The following KCNQ5 variants were observed in gnomAD, a reference collection of about 807,000 sequenced individuals.
KCNQ5 encodes potassium voltage-gated channel subfamily Q member 5.
Under a neutral mutation model 98.2 loss-of-function variants are expected in KCNQ5, and 30 were observed. The ratio of observed to expected loss-of-function variants is 0.31; its 90% CI spans 0.23 to 0.41. The LOEUF (loss-of-function observed/expected upper bound fraction) is 0.41, where lower values mean the gene tolerates loss of function less well. Among genes scored for constraint, KCNQ5 ranks in the 10% least tolerant of loss-of-function variants. The pLI, the probability that KCNQ5 is intolerant of heterozygous loss-of-function variation, is 1.00. For missense variants in KCNQ5, 835 were observed against 1,182.5 expected (o/e 0.71, Z 4.31); for synonymous variants, 458 against 449.4 (o/e 1.02, Z -0.24).
intron 1 of KCNQ5, among the ~76,000 whole-genome samples, chr6:72,871,100 G>A (rs894322284): frequency 1.3e-5 from 2 of 152,108 alleles, no homozygotes; most frequent in Admixed American, 6.6e-5. Context: ...CATCCTCTAT[G>A]CCCCAGTCCT....
intron 1 of KCNQ5, among the ~76,000 whole-genome samples, chr6:72,819,587 T>C (rs1388460188): frequency 6.6e-6 from 1 of 152,164 alleles, no homozygotes; most frequent in Non-Finnish European, 1.5e-5. Context: ...CAGGAATATC[T>C]AATGTGAATG....
At chr6:72,951,227 C>G (rs922729876) in intron 1 of KCNQ5, among the ~76,000 whole-genome samples, 2 of 152,008 alleles carry the variant, frequency 1.3e-5, no homozygotes, top group Non-Finnish European at 2.9e-5. Context: ...ATTAATTTAA[C>G]CTCTTAGCCT....
intron 1 of KCNQ5, among the ~76,000 whole-genome samples, chr6:72,720,325 A>G (rs1178396853): frequency 6.6e-6 from 1 of 152,242 alleles, no homozygotes; most frequent in Non-Finnish European, 1.5e-5. Context: ...ACAGATGACA[A>G]AACTCCCAGG....
chr6:72,622,717 C>A lies in KCNQ5; in HGVS notation c.398+130C>A. The A allele has an allele frequency of 1.1e-6, 1 of 944,154 alleles. No individual in the cohort carries two copies. Among genetic ancestry groups the A allele is most frequent in the Non-Finnish European group, 1.6e-6 (1 of 633,782 alleles). 58.5% of individuals were successfully genotyped at this position (944,154 alleles called of 1,614,324 possible). The stretch of plus-strand genomic sequence containing the variant: ...ACGTGGTGGCTTTTATTTCTTCGCA[C>A]GTGTTCGTGGTCTTCCTTCTGGAGC... On this transcript the variant is annotated intron_variant, in intron 1 of 13. Transcript: ENST00000370398. This position sits in a 1 kb window ranked among gnomAD's most constrained non-coding sequence, Gnocchi z 6.0.
chr6:72,878,360 C>T (rs930704234), intron 1 of KCNQ5, among the ~76,000 whole-genome samples: 8 of 152,198 alleles, frequency 5.3e-5, no homozygotes, highest in Middle Eastern at 3.2e-3. Flanking sequence ...TATGAACTCA[C>T]GACCTTTGAC....
chr6:72,984,523 TG>T (rs558160126), intron 1 of KCNQ5, among the ~76,000 whole-genome samples: 1,909 of 152,288 alleles, frequency 0.013, 25 homozygotes, highest in Non-Finnish European at 0.017. Context: ...GAGCCAGACA[TG>T]GGATATACTC....
At chr6:73,069,541 T>A (rs1773215361) in intron 3 of KCNQ5, among the ~76,000 whole-genome samples, 1 of 151,182 alleles carries the variant, frequency 6.6e-6, no homozygotes, top group Non-Finnish European at 1.5e-5. Context: ...AAAAAGCACG[T>A]CTGCATGCAG....
chr6:73,049,935 C>A (rs530070809), intron 3 of KCNQ5, among the ~76,000 whole-genome samples: 1 of 152,014 alleles, frequency 6.6e-6, no homozygotes, highest in Non-Finnish European at 1.5e-5. Context: ...GTAATCCCAG[C>A]ACTTTAAAGG....
At chr6:73,145,774 C>G (rs1776896345) in intron 10 of KCNQ5, among the ~76,000 whole-genome samples, 1 of 152,168 alleles carries the variant, frequency 6.6e-6, no homozygotes, top group African/African-American at 2.4e-5. Flanking sequence ...AAAGAACTAC[C>G]TGAGACTGGG....
At chr6:73,035,092 G>A (rs532283739) in intron 2 of KCNQ5, among the ~76,000 whole-genome samples, 4 of 152,010 alleles carry the variant, frequency 2.6e-5, no homozygotes, top group South Asian at 4.2e-4. Context: ...TGACCCACCC[G>A]CCTCGGCTTC....
At chr6:73,038,074 T>A (rs1307181085) in intron 2 of KCNQ5, among the ~76,000 whole-genome samples, 1 of 152,114 alleles carries the variant, frequency 6.6e-6, no homozygotes, top group Non-Finnish European at 1.5e-5. Context: ...ATAATCTCAA[T>A]GCACATAAAC....
At chr6:72,936,100 T>C (rs555098066) in intron 1 of KCNQ5, among the ~76,000 whole-genome samples, 1 of 151,850 alleles carries the variant, frequency 6.6e-6, no homozygotes, top group Non-Finnish European at 1.5e-5. Flanking sequence ...ACTAGAAGCC[T>C]CTCTGACATT....
At chr6:73,101,886 A>G (rs992333915) in intron 5 of KCNQ5, among the ~76,000 whole-genome samples, 6 of 152,204 alleles carry the variant, frequency 3.9e-5, no homozygotes, top group Non-Finnish European at 7.4e-5. Context: ...CTTCACATAA[A>G]TGGAAAAAAC....
In KCNQ5 at chr6:73,055,780, A is replaced by T. The variant is rs568996411; in HGVS notation, c.616+13718A>T. Reference sequence around the variant, plus strand: ...ACTTGAAGCCCATCAAGCCCAGCCCACGCAGTTCCTAGGGGATGAAGAGAC... The same window carrying T: ...ACTTGAAGCCCATCAAGCCCAGCCCTCGCAGTTCCTAGGGGATGAAGAGAC... On this transcript the variant is annotated intron_variant, in intron 3 of 13. Coordinates refer to ENST00000370398, the MANE Select transcript of KCNQ5 (RefSeq NM_019842.4). 349 of 924,574 alleles carry T rather than the reference A, an allele frequency of 3.8e-4. 3 individuals are homozygous for T. The highest frequency in any genetic ancestry group is 2.3e-4 in the Non-Finnish European group (131 of 564,988). 57.3% of individuals were successfully genotyped at this position (924,574 alleles called of 1,614,324 possible). A position where few individuals can be genotyped will look rare whatever the true frequency, so the allele number is the denominator to read the frequency against.
intron 3 of KCNQ5, among the ~76,000 whole-genome samples, chr6:73,052,955 T>C (rs1772311289): frequency 6.6e-6 from 1 of 152,142 alleles, no homozygotes; most frequent in African/African-American, 2.4e-5. Context: ...GAGTGGCAAG[T>C]TGGACAAAGA....
intron 8 of KCNQ5, among the ~76,000 whole-genome samples, chr6:73,124,008 T>G (rs942356820): frequency 6.6e-6 from 1 of 152,200 alleles, no homozygotes; most frequent in Admixed American, 6.5e-5. Flanking sequence ...TGTACCTTAT[T>G]TACTCCAAGG....
intron 7 of KCNQ5, among the ~76,000 whole-genome samples, chr6:73,116,678 AAATAAT>A (rs773950953): frequency 1.3e-5 from 2 of 152,068 alleles, no homozygotes; most frequent in Non-Finnish European, 2.9e-5. Context: ...CCTGTCTCAA[AAATAAT>A]AATAATAATA....
intron 2 of KCNQ5, among the ~76,000 whole-genome samples, chr6:73,011,598 CA>C (rs960649441): frequency 1.3e-5 from 2 of 151,282 alleles, no homozygotes; most frequent in Non-Finnish European, 3.0e-5. Context: ...GTGTAGGCAA[CA>C]AAAGAAAAAA....
At chr6:72,824,714 A>G (rs1205161897) in intron 1 of KCNQ5, among the ~76,000 whole-genome samples, 1 of 152,088 alleles carries the variant, frequency 6.6e-6, no homozygotes, top group Non-Finnish European at 1.5e-5. Flanking sequence ...GATATAGCCA[A>G]CTAACAGCTT....
Sources: allele counts gnomAD v4.1 joint callset (sites outside exome capture counted in the v4.1 genomes callset), GRCh38; gene constraint gnomAD v4.1.1; non-coding constraint Gnocchi (gnomAD v3.1); transcripts MANE v1.5; gene names NCBI Gene and HGNC (gene_info 2026-07-23, HGNC 2026-07-21).